FAT3: variants seen among roughly 807,000 people sequenced by gnomAD.
The protein encoded by FAT3 is protocadherin Fat 3.
A neutral mutation model predicts 310.2 loss-of-function variants in FAT3; 95 were observed. That is an observed-to-expected ratio of 0.31 (90% confidence interval 0.26 to 0.36). The LOEUF is 0.36. Among genes scored for constraint, FAT3 ranks in the 10% least tolerant of loss-of-function variants. The pLI is 1.00. For missense variants in FAT3, 5,408 were observed against 5,715.6 expected, an observed-to-expected ratio of 0.95 and a Z score of 1.74; for synonymous variants, 2,314 against 2,192.9, an observed-to-expected ratio of 1.06 and a Z score of -1.54.
intron 2 of FAT3, among the ~76,000 whole-genome samples, chr11:92,398,177 C>A (rs1949921653): frequency 6.6e-6 from 1 of 152,076 alleles, no homozygotes; most frequent in African/African-American, 2.4e-5. Context: ...ATCTTCTCCC[C>A]CTGTCTTCAC....
rs545083979 is a variant in FAT3 at position 92,864,702 on chromosome 11, A to AG, written c.11659-2038dup. On this transcript the variant is annotated intron_variant, in intron 21 of 27. Transcript: ENST00000525166. ...CATGGTGGCGCTTGCCTGTAATCCC[A>AG]GCTACTCGGGAGGCTGAGGCAGGAG... 2.5e-3 allele frequency among the ~76,000 whole-genome samples: 388 copies of AG among 152,266 alleles called. 3 individuals are homozygous for AG. The highest frequency in any genetic ancestry group is 9.0e-3 in the African/African-American group (373 of 41,544).
intron 7 of FAT3, among the ~76,000 whole-genome samples, chr11:92,786,166 C>T (rs528436134): frequency 3.3e-5 from 5 of 151,730 alleles, no homozygotes; most frequent in East Asian, 1.9e-4. Context: ...ACTCGATTAG[C>T]GATGTAAATG....
Position 92,452,789 on chromosome 11 carries a change from G to T in FAT3, c.3293-71845G>T, listed in dbSNP as rs1029856870. Among the ~76,000 whole-genome samples, 14 of 152,236 alleles carry T rather than the reference G, an allele frequency of 9.2e-5. 1 individual carries two copies. In the East Asian group the frequency reaches 1.9e-3, roughly 21 times the overall value. On this transcript the variant is annotated intron_variant, in intron 2 of 27. Transcript: ENST00000525166. ...ATTTATTTATATTTTTTGAGACAGT[G>T]TCTTGCTCTGTCACCCAGGCTAGAG...
At chr11:92,677,498 A>G (rs1464685796) in intron 3 of FAT3, among the ~76,000 whole-genome samples, 4 of 152,188 alleles carry the variant, frequency 2.6e-5, no homozygotes, top group African/African-American at 9.7e-5. Context: ...ATCTCCCTGG[A>G]ATTTTCTGCC....
chr11:92,366,446 G>A (rs1347541416), intron 2 of FAT3: 3 of 374,248 alleles, frequency 8.0e-6, no homozygotes, highest in African/African-American at 4.2e-5. Context: ...ACAGGGGGAT[G>A]TGACAGACAG....
Position 92,469,022 on chromosome 11 carries a change from T to G in FAT3, c.3293-55612T>G, listed in dbSNP as rs1951842584. Reference sequence around the variant, plus strand: ...TTGTCATCTCAAAGTCATTTTCAAATGTATTCTGAATTTTGAGCCAAATCA... The same window carrying G: ...TTGTCATCTCAAAGTCATTTTCAAAGGTATTCTGAATTTTGAGCCAAATCA... On this transcript the variant is annotated intron_variant, in intron 2 of 27. Coordinates refer to ENST00000525166, the MANE Select transcript of FAT3 (RefSeq NM_001367949.2). 2.0e-5 allele frequency among the ~76,000 whole-genome samples: 3 copies of G among 152,222 alleles called. No individual in the cohort carries two copies. In the South Asian group the frequency reaches 6.2e-4, roughly 32 times the overall value.
intron 2 of FAT3, among the ~76,000 whole-genome samples, chr11:92,378,367 A>G (rs1949405067): frequency 6.6e-6 from 1 of 152,138 alleles, no homozygotes; most frequent in South Asian, 2.1e-4. Flanking sequence ...CGAGATAGTT[A>G]TAATCTTTCT....
chr11:92,449,688 G>T (rs987210839), intron 2 of FAT3, among the ~76,000 whole-genome samples: 5 of 152,150 alleles, frequency 3.3e-5, no homozygotes, highest in Admixed American at 6.5e-5. Context: ...GGAGCTCAAA[G>T]TTTAATACAG....
intron 7 of FAT3, among the ~76,000 whole-genome samples, chr11:92,781,945 G>A (rs1024060297): frequency 2.0e-5 from 3 of 152,060 alleles, no homozygotes; most frequent in Non-Finnish European, 4.4e-5. Flanking sequence ...AAGTTACATT[G>A]ATTTGATTCA....
At chr11:92,741,500 A>G (rs1278132268) in intron 4 of FAT3, among the ~76,000 whole-genome samples, 1 of 152,238 alleles carries the variant, frequency 6.6e-6, no homozygotes, top group Non-Finnish European at 1.5e-5. Flanking sequence ...ATTCTCCTGG[A>G]AAGCAAGAAC....
intron 3 of FAT3, among the ~76,000 whole-genome samples, chr11:92,675,336 C>T (rs1002924314): frequency 5.3e-5 from 8 of 152,200 alleles, no homozygotes; most frequent in African/African-American, 1.9e-4. Flanking sequence ...TAGTGGTGAA[C>T]TTCACAGTAT....
intron 4 of FAT3, among the ~76,000 whole-genome samples, chr11:92,737,648 T>C (rs947925560): frequency 6.6e-6 from 1 of 152,174 alleles, no homozygotes; most frequent in Non-Finnish European, 1.5e-5. Flanking sequence ...ATCAACCTTG[T>C]TTAATTTTTA....
At chr11:92,751,762 A>T (rs1945834505) in intron 4 of FAT3, among the ~76,000 whole-genome samples, 1 of 152,126 alleles carries the variant, frequency 6.6e-6, no homozygotes, top group African/African-American at 2.4e-5. Context: ...TTTTGAACAG[A>T]TGGTTAACAG....
At chr11:92,462,413 A>G (rs911520937) in intron 2 of FAT3, among the ~76,000 whole-genome samples, 2 of 152,144 alleles carry the variant, frequency 1.3e-5, no homozygotes, top group African/African-American at 4.8e-5. Flanking sequence ...CTAAGTGAGA[A>G]CATGTGGTAT....
intron 3 of FAT3, among the ~76,000 whole-genome samples, chr11:92,685,990 A>G (rs542774161): frequency 1.3e-5 from 2 of 152,264 alleles, no homozygotes; most frequent in South Asian, 4.2e-4. Context: ...ATCATATGTT[A>G]CCCCTAGTGA....
intron 2 of FAT3, among the ~76,000 whole-genome samples, chr11:92,365,937 A>C (rs1465247680): frequency 6.6e-6 from 1 of 152,258 alleles, no homozygotes; most frequent in Admixed American, 6.5e-5. Flanking sequence ...CTATACTTCT[A>C]TAAAAGTAAA....
At chr11:92,880,679 A>C (rs1949653189) in intron 22 of FAT3, 52 bp from the exon 23 acceptor site, 8 of 1,575,680 alleles carry the variant, frequency 5.1e-6, no homozygotes, top group African/African-American at 1.4e-5. Flanking sequence ...GAGTCCAAGC[A>C]CTCAGCCCTA....
At chr11:92,344,625 G>A (rs981675757) in intron 1 of FAT3, among the ~76,000 whole-genome samples, 17 of 152,204 alleles carry the variant, frequency 1.1e-4, no homozygotes, top group Admixed American at 1.0e-3. Context: ...CCTAGAGTAA[G>A]AGTGAATCTT....
rs567600758 is a variant in FAT3, at chr11:92,584,993, T to C, written c.3607+60045T>C. On this transcript the variant is annotated intron_variant, in intron 3 of 27. Coordinates refer to ENST00000525166, the MANE Select transcript of FAT3 (RefSeq NM_001367949.2). ...ATAAAATGATATCCCTTTGTATTTA[T>C]GTAGAAGCTTTCATTTTAGAAATGC... Among the ~76,000 whole-genome samples, 8 of 152,134 alleles carry C rather than the reference T, an allele frequency of 5.3e-5. No homozygotes were observed. In the East Asian group the frequency reaches 1.6e-3, roughly 30 times the overall value.
Sources: gnomAD v4.1 joint callset for allele counts (sites outside exome capture counted in the v4.1 genomes callset) on GRCh38, gnomAD v4.1.1 for gene constraint, MANE v1.5 for transcripts, NCBI Gene and HGNC (gene_info 2026-07-23, HGNC 2026-07-21) for gene names.